The following PLOD2 variants were observed in gnomAD, a reference collection of about 807,000 sequenced individuals.
PLOD2 encodes the protein procollagen-lysine,2-oxoglutarate 5-dioxygenase 2, also known as lysine hydroxylase 2.
In PLOD2, 65 loss-of-function variants were observed where a neutral mutation model predicts 101.0. That is an observed-to-expected ratio of 0.64 (90% CI 0.53 to 0.79). The LOEUF (loss-of-function observed/expected upper bound fraction) is 0.79, where lower values mean the gene tolerates loss of function less well. PLOD2 is among the 30% of genes least tolerant of loss of function. The probability of loss-of-function intolerance (pLI) is 0.00; values close to 1 mark genes in which losing one functional copy is unlikely to be tolerated. For synonymous variants in PLOD2, 314 were observed against 302.9 expected, an observed-to-expected ratio of 1.04 and a Z score of -0.38; for missense variants, 909 against 914.6, an observed-to-expected ratio of 0.99 and a Z score of 0.08.
chr3:146,071,872 A>G (rs903590775), intron 17 of PLOD2, among the ~76,000 whole-genome samples: 3 of 151,634 alleles, frequency 2.0e-5, no homozygotes, highest in African/African-American at 4.8e-5. Context: ...AACACTCAAA[A>G]GTTTTTGAAT....
chr3:146,160,900 C>T lies in PLOD2; in HGVS notation c.90G>A (p.Lys30=). The T allele has an allele frequency of 6.3e-7, 1 of 1,586,574 alleles. No individual in the cohort carries two copies. The highest frequency in any genetic ancestry group is 8.6e-7 in the Non-Finnish European group (1 of 1,165,984). The change falls in exon 1 of 20, where the codon AAG becomes AAA. Residue 30 remains lysine, a synonymous_variant. Coordinates refer to ENST00000282903, the MANE Select transcript of PLOD2 (RefSeq NM_182943.3). ...WNPCLGADSE[K]PSSIPTDKLL... ...GCTCACCTGTGGGGATGCTCGAGGG[C>T]TTCTCCGAGTCCGCACCCAGACAGG...
intron 3 of PLOD2, among the ~76,000 whole-genome samples, chr3:146,111,725 A>AC (rs979664317): frequency 2.6e-5 from 4 of 151,996 alleles, no homozygotes; most frequent in African/African-American, 9.7e-5. Context: ...GTTTATTAAA[A>AC]AAAAAACTGA....
intron 3 of PLOD2, among the ~76,000 whole-genome samples, chr3:146,118,113 TATG>T (rs1938002575): frequency 6.6e-6 from 1 of 152,162 alleles, no homozygotes; most frequent in Non-Finnish European, 1.5e-5. Flanking sequence ...AGCTGACTAA[TATG>T]GTTGTTTGAA....
At chr3:146,110,223 A>C (rs1219401841) in intron 4 of PLOD2, 62 bp downstream of exon 4, 1 of 1,404,550 alleles carries the variant, frequency 7.1e-7, no homozygotes, top group Admixed American at 1.7e-5. Flanking sequence ...ACATCTACAA[A>C]AATGGTTGTT....
In PLOD2 at chr3:146,104,283, A is replaced by T. The variant is rs1937494354; in HGVS notation, c.675T>A (p.Ala225=). 1.3e-6 allele frequency: 2 copies of T among 1,574,016 alleles called. No homozygotes were observed. Among genetic ancestry groups the T allele is most frequent in the African/African-American group, 1.3e-5 (1 of 74,150 alleles). ...TCCGGTATTTAGGAAGCATACCTAC[A>T]GCTCCATTTAAGGTCTGGAAAATTT... ...KCKIFQTLNG[A]VDEVVLKFEN... The change falls in exon 6 of 20, where the codon GCT becomes GCA. Residue 225 remains alanine, a synonymous_variant. Coordinates refer to ENST00000282903, the MANE Select transcript of PLOD2 (RefSeq NM_182943.3).
At chr3:146,113,259 A>C (rs1937733391) in intron 3 of PLOD2, among the ~76,000 whole-genome samples, 1 of 152,194 alleles carries the variant, frequency 6.6e-6, no homozygotes, top group Non-Finnish European at 1.5e-5. Context: ...ACGTTGCTGA[A>C]ACCTTTCCTA....
At chr3:146,074,386 TTAAATACATC>T (rs1936257446) in intron 15 of PLOD2, among the ~76,000 whole-genome samples, 1 of 151,596 alleles carries the variant, frequency 6.6e-6, no homozygotes, top group African/African-American at 2.4e-5. Flanking sequence ...GATATTTGCC[TTAAATACATC>T]TTTTGAGGCT....
At chr3:146,140,993 C>T (rs1371921021) in intron 1 of PLOD2, among the ~76,000 whole-genome samples, 1 of 151,982 alleles carries the variant, frequency 6.6e-6, no homozygotes, top group East Asian at 1.9e-4. Flanking sequence ...AAGAACACAA[C>T]ATGTTTCTTC....
chr3:146,137,949 G>A (rs1190445209), intron 1 of PLOD2, among the ~76,000 whole-genome samples: 2 of 152,146 alleles, frequency 1.3e-5, no homozygotes, highest in African/African-American at 4.8e-5. Context: ...ACCGCAGGGG[G>A]AAGAAACAGT....
At chr3:146,072,979 A>G (rs1936205225) in intron 16 of PLOD2, among the ~76,000 whole-genome samples, 1 of 151,702 alleles carries the variant, frequency 6.6e-6, no homozygotes, top group Non-Finnish European at 1.5e-5. Context: ...TCTTCCAAAG[A>G]TAAGCTTTCA....
chr3:146,160,840 G>A, intron 1 of PLOD2, 41 bp downstream of exon 1: 1 of 1,311,706 alleles, frequency 7.6e-7, no homozygotes, highest in Non-Finnish European at 1.1e-6. Flanking sequence ...CCCCCCGCCG[G>A]CCGAGCCTCG....
chr3:146,083,279 G>A (rs114614524), intron 11 of PLOD2, among the ~76,000 whole-genome samples: 3,561 of 152,190 alleles, frequency 0.023, 134 homozygotes, highest in African/African-American at 0.081. Flanking sequence ...TTTAGAGCAA[G>A]GGAGCAAATA....
intron 7 of PLOD2, among the ~76,000 whole-genome samples, chr3:146,099,269 T>A (rs1183483426): frequency 6.6e-6 from 1 of 152,192 alleles, no homozygotes; most frequent in South Asian, 2.1e-4. Flanking sequence ...ATATGTCCTT[T>A]AGTCACTTTT....
At chr3:146,092,559 A>G (rs1459516926) in intron 7 of PLOD2, among the ~76,000 whole-genome samples, 2 of 152,082 alleles carry the variant, frequency 1.3e-5, no homozygotes, top group East Asian at 3.9e-4. Flanking sequence ...ACAGTAAGCT[A>G]AAGTACAATA....
chr3:146,086,972 AT>A, intron 9 of PLOD2, 64 bp from the exon 10 acceptor site: 1 of 936,670 alleles, frequency 1.1e-6, no homozygotes, highest in Non-Finnish European at 1.6e-6. Flanking sequence ...AAGTATTCAT[AT>A]TAGAGAGTGC....
chr3:146,138,006 A>C (rs1440727584), intron 1 of PLOD2, among the ~76,000 whole-genome samples: 1 of 152,126 alleles, frequency 6.6e-6, no homozygotes, highest in Non-Finnish European at 1.5e-5. Context: ...TCAGAAATGG[A>C]GAGGGATTCG....
At chr3:146,096,228 G>C (rs1289676455) in intron 7 of PLOD2, among the ~76,000 whole-genome samples, 3 of 126,308 alleles carry the variant, frequency 2.4e-5, no homozygotes, top group Non-Finnish European at 5.0e-5. Flanking sequence ...GCGTGATCTC[G>C]GCTCGCTACA....
intron 3 of PLOD2, among the ~76,000 whole-genome samples, chr3:146,113,120 AAG>A (rs1937725360): frequency 1.3e-5 from 2 of 152,202 alleles, no homozygotes. Context: ...TTGTTTGAAA[AAG>A]AGTTATGGCA....
intron 1 of PLOD2, among the ~76,000 whole-genome samples, chr3:146,132,122 G>A (rs995966339): frequency 1.3e-5 from 2 of 152,120 alleles, no homozygotes; most frequent in Admixed American, 6.5e-5. Context: ...TCTGGACAAT[G>A]AACAGACAAA....
Sources: gnomAD v4.1 joint callset for allele counts (sites outside exome capture counted in the v4.1 genomes callset) on GRCh38, gnomAD v4.1.1 for gene constraint, MANE v1.5 for transcripts, NCBI Gene and HGNC (gene_info 2026-07-23, HGNC 2026-07-21) for gene names.